Variants in COBL observed in about 807,000 individuals in gnomAD.
COBL encodes cordon-bleu WH2 repeat protein.
A neutral mutation model predicts 98.8 loss-of-function variants in COBL; 51 were observed. The observed-to-expected ratio is 0.52, with a 90% CI of 0.41 to 0.65. The LOEUF is 0.65. Among genes scored for constraint, COBL ranks in the 30% least tolerant of loss-of-function variants. COBL has a pLI of 0.00. For missense variants in COBL, 1,617 were observed against 1,617.5 expected (o/e 1.00, Z 0.01); for synonymous variants, 634 against 651.7 (o/e 0.97, Z 0.41).
intron 11 of COBL, among the ~76,000 whole-genome samples, chr7:51,025,882 C>T (rs1350378421): frequency 6.6e-6 from 1 of 152,192 alleles, no homozygotes; most frequent in Non-Finnish European, 1.5e-5. Flanking sequence ...TGCCCCCATG[C>T]TCTGTTGGCA....
At chr7:51,283,064 A>G (rs1176381257) in intron 1 of COBL, among the ~76,000 whole-genome samples, 2 of 152,218 alleles carry the variant, frequency 1.3e-5, no homozygotes, top group African/African-American at 2.4e-5. Flanking sequence ...AACTGCGTAT[A>G]TAAGAGAGGA....
chr7:51,103,822 T>G (rs535964915), intron 6 of COBL, among the ~76,000 whole-genome samples: 5 of 152,376 alleles, frequency 3.3e-5, no homozygotes, highest in African/African-American at 4.8e-5. Context: ...ATCTTACCTA[T>G]TCAGAACACA....
intron 1 of COBL, among the ~76,000 whole-genome samples, chr7:51,257,960 T>G (rs1377555444): frequency 1.3e-5 from 2 of 152,202 alleles, no homozygotes; most frequent in Non-Finnish European, 2.9e-5. Flanking sequence ...AAAGCTAAGC[T>G]TTAAGACACA....
intron 6 of COBL, among the ~76,000 whole-genome samples, chr7:51,108,197 C>A (rs1243579532): frequency 6.6e-6 from 1 of 152,164 alleles, no homozygotes; most frequent in African/African-American, 2.4e-5. Context: ...ATTCTGATTC[C>A]CCACCCTCTC....
rs533445489 is a variant in COBL, at chr7:51,309,391, G to A, written c.41+7202C>T. 5.9e-5 allele frequency among the ~76,000 whole-genome samples: 9 copies of A among 152,148 alleles called. No individual in the cohort carries two copies. In the South Asian group the frequency reaches 6.2e-4, roughly 11 times the overall value. ...ACCCCAACACCAGCCCAGGACTCCC[G>A]AGGTGGGCTTTTAGATAGGAGAGAG... On this transcript the variant is annotated intron_variant, in intron 1 of 12. Transcript: ENST00000265136.
intron 5 of COBL, chr7:51,172,572 T>G (rs753444244): frequency 1.6e-6 from 2 of 1,264,698 alleles, no homozygotes; most frequent in Non-Finnish European, 2.1e-6. Context: ...CAGGTGAAAG[T>G]TCAGACAGAA....
chr7:51,038,630 T>A (rs1402859105), intron 8 of COBL, among the ~76,000 whole-genome samples: 1 of 152,336 alleles, frequency 6.6e-6, no homozygotes. Context: ...GTTTAGTGAA[T>A]ACCCAAGTAA....
chr7:51,313,608 G>A lies in COBL; in HGVS notation c.41+2985C>T, dbSNP rs1040927208. Among the ~76,000 whole-genome samples, 4 of 151,998 alleles carry A rather than the reference G, an allele frequency of 2.6e-5. 1 individual carries two copies. The highest frequency in any genetic ancestry group is 4.4e-5 in the Non-Finnish European group (3 of 68,008). ...ACATTTCATGTCATTGGAGATTACT[G>A]TATTCTACAGAAACATGTCTTTCCT... On this transcript the variant is annotated intron_variant, in intron 1 of 12. Transcript: ENST00000265136.
chr7:51,279,704 T>C (rs1449639680), intron 1 of COBL, among the ~76,000 whole-genome samples: 3 of 152,196 alleles, frequency 2.0e-5, no homozygotes, highest in African/African-American at 7.2e-5. Context: ...TTAGGACAAA[T>C]GTACAATGAC....
At position 51,029,151 on chromosome 7, in the gene COBL, C is replaced by T; in HGVS notation, c.1945G>A (p.Asp649Asn). ...HTDNLNAKVK[D>N]KVYGCADGER... ...CCGTCAGCACAGCCATACACTTTGT[C>T]TTTCACTTTTGCATTTAGGTTGTCT... The change falls in exon 10 of 13, where the codon GAC (aspartate) becomes AAC (asparagine). Residue 649 changes from aspartate to asparagine, a missense_variant. This residue lies in a region of COBL where 1,304 missense variants were observed against 1,282.0 expected (regional missense o/e 1.02). Transcript: ENST00000265136. 6.2e-7 allele frequency: 1 copy of T among 1,614,212 alleles called. No individual in the cohort carries two copies. Among genetic ancestry groups the T allele is most frequent in the Non-Finnish European group, 8.5e-7 (1 of 1,180,038 alleles).
intron 1 of COBL, among the ~76,000 whole-genome samples, chr7:51,289,896 C>T (rs1563131931): frequency 6.6e-6 from 1 of 152,194 alleles, no homozygotes; most frequent in Non-Finnish European, 1.5e-5. Flanking sequence ...CACAGATTTG[C>T]TTTCATGGCT....
chr7:51,136,639 G>A (rs1249820789), intron 5 of COBL, among the ~76,000 whole-genome samples: 1 of 152,166 alleles, frequency 6.6e-6, no homozygotes, highest in Non-Finnish European at 1.5e-5. Context: ...CCAACCTGCA[G>A]GTGTGAACTG....
intron 3 of COBL, among the ~76,000 whole-genome samples, chr7:51,192,551 A>G (rs1790215823): frequency 6.6e-6 from 1 of 152,206 alleles, no homozygotes; most frequent in African/African-American, 2.4e-5. Flanking sequence ...GGTAGCAGTG[A>G]GCCAAGATCA....
At chr7:51,053,414 C>T (rs1583621986) in intron 7 of COBL, among the ~76,000 whole-genome samples, 1 of 152,198 alleles carries the variant, frequency 6.6e-6, no homozygotes, top group African/African-American at 2.4e-5. Flanking sequence ...TTCAAATGGG[C>T]ACTTGGAGTT....
intron 8 of COBL, among the ~76,000 whole-genome samples, chr7:51,037,184 T>C (rs530145643): frequency 1.3e-5 from 2 of 152,332 alleles, no homozygotes; most frequent in South Asian, 2.1e-4. Context: ...CAGAGCTAGA[T>C]ACAAGTTACA....
At chr7:51,278,642 AGTGCTGGGAT>A (rs1799534817) in intron 1 of COBL, among the ~76,000 whole-genome samples, 1 of 151,938 alleles carries the variant, frequency 6.6e-6, no homozygotes, top group Non-Finnish European at 1.5e-5. Context: ...AGCCTCCCAA[AGTGCTGGGAT>A]TACAGGCGTG....
At chr7:51,039,540 T>A (rs1788966542) in intron 8 of COBL, among the ~76,000 whole-genome samples, 1 of 152,272 alleles carries the variant, frequency 6.6e-6, no homozygotes, top group Non-Finnish European at 1.5e-5. Context: ...ATGCCAAGCC[T>A]GTCCCTGGAA....
chr7:51,052,833 C>A (rs922684208), intron 7 of COBL, among the ~76,000 whole-genome samples: 16 of 152,312 alleles, frequency 1.1e-4, no homozygotes, highest in Non-Finnish European at 2.1e-4. Flanking sequence ...CATCAGAACT[C>A]TAGAGAATAA....
At chr7:51,049,489 C>T (rs1270886575) in intron 7 of COBL, among the ~76,000 whole-genome samples, 1 of 152,128 alleles carries the variant, frequency 6.6e-6, no homozygotes. Flanking sequence ...CTTGGAAAGT[C>T]CTGATTCTCC....
Sources: gnomAD v4.1 joint callset for allele counts (sites outside exome capture counted in the v4.1 genomes callset) on GRCh38, gnomAD v4.1.1 for gene constraint, gnomAD v4.1.1 regional missense constraint, MANE v1.5 for transcripts, NCBI Gene and HGNC (gene_info 2026-07-23, HGNC 2026-07-21) for gene names.